USP34: variants seen among roughly 807,000 people sequenced by gnomAD.
The protein encoded by USP34 is ubiquitin carboxyl-terminal hydrolase 34.
USP34 carries 70 observed loss-of-function variants against 460.3 expected under a neutral mutation model. That is an observed-to-expected ratio of 0.15 (90% confidence interval 0.13 to 0.19). The LOEUF (loss-of-function observed/expected upper bound fraction) is 0.19, where lower values mean the gene tolerates loss of function less well. Among genes scored for constraint, USP34 ranks in the 10% least tolerant of loss-of-function variants. The probability of loss-of-function intolerance (pLI) is 1.00; values close to 1 mark genes in which losing one functional copy is unlikely to be tolerated. For missense variants in USP34, 3,985 were observed against 4,236.2 expected (o/e 0.94, Z 1.65); for synonymous variants, 1,647 against 1,405.3 (o/e 1.17, Z -3.85).
chr2:61,235,864 T>C lies in USP34; in HGVS notation c.7013A>G (p.Asn2338Ser), dbSNP rs758303208. 2 of 1,613,666 alleles carry C rather than the reference T, an allele frequency of 1.2e-6. No individual in the cohort carries two copies. The highest frequency in any genetic ancestry group is 4.5e-5 in the East Asian group (2 of 44,856). ...WIELLTKQFN[N>S]SQAACEWFLD... Reference sequence around the variant, plus strand: ...CCTTACCTCACAAGCTGCCTGACTATTATTAAACTGTTTCGTCAACAGTTC... The same window carrying C: ...CCTTACCTCACAAGCTGCCTGACTACTATTAAACTGTTTCGTCAACAGTTC... The change falls in exon 57 of 80, where the codon AAT (asparagine) becomes AGT (serine). Residue 2338 changes from asparagine (N) to serine (S), a missense_variant. Physicochemically the swap from Asn to Ser is conservative, Grantham distance 46 (BLOSUM62 1). This residue lies in a region of USP34 where 604 missense variants were observed against 684.8 expected (regional missense o/e 0.88). Transcript: ENST00000398571.
chr2:61,455,357 T>C (rs1194341876), intron 1 of USP34, among the ~76,000 whole-genome samples: 1 of 152,046 alleles, frequency 6.6e-6, no homozygotes, highest in Non-Finnish European at 1.5e-5. Context: ...TTTTGTATTA[T>C]AATAGAGACA....
chr2:61,368,750 T>C (rs1250533835), intron 10 of USP34, among the ~76,000 whole-genome samples: 1 of 151,996 alleles, frequency 6.6e-6, no homozygotes, highest in Non-Finnish European at 1.5e-5. Flanking sequence ...CAATAGAAAA[T>C]GTATAGGGAG....
rs1467322001 is a variant in USP34, at chr2:61,246,328, T to C, written c.6544A>G (p.Lys2182Glu). ...TTTGAAATATTTAAAACTCACCATT[T>C]ATTGTTTTTATAAGCATGGGGATTT... The part of the protein sequence containing the change: ...IVNPHAYKNN[K>E]WYLFNDAEVK... The change falls in exon 50 of 80, where the codon AAA (lysine) becomes GAA (glutamate). Residue 2182 changes from lysine to glutamate, a missense_variant. By Grantham distance (56) the Lys-to-Glu change is moderately conservative. Coordinates refer to ENST00000398571, the MANE Select transcript of USP34 (RefSeq NM_014709.4). The C allele has an allele frequency of 1.3e-6, 2 of 1,551,256 alleles. No homozygotes were observed. Among genetic ancestry groups the C allele is most frequent in the Non-Finnish European group, 1.7e-6 (2 of 1,149,146 alleles).
chr2:61,457,196 A>G (rs550056229), intron 1 of USP34, among the ~76,000 whole-genome samples: 2 of 152,298 alleles, frequency 1.3e-5, no homozygotes, highest in East Asian at 3.9e-4. Context: ...GGATCTCTTG[A>G]GCCTGGGAGG....
intron 41 of USP34, among the ~76,000 whole-genome samples, chr2:61,268,982 G>A (rs573011270): frequency 2.0e-5 from 3 of 149,098 alleles, no homozygotes; most frequent in African/African-American, 4.9e-5. Context: ...AGAAATTTAA[G>A]ACAATATCAT....
At chr2:61,322,468 C>T (rs973120683) in intron 21 of USP34, among the ~76,000 whole-genome samples, 4 of 152,000 alleles carry the variant, frequency 2.6e-5, no homozygotes, top group African/African-American at 4.8e-5. Context: ...ATCACAAGTA[C>T]GAGTATGAAA....
intron 16 of USP34, among the ~76,000 whole-genome samples, chr2:61,341,582 G>T (rs531165256): frequency 6.6e-6 from 1 of 151,436 alleles, no homozygotes; most frequent in African/African-American, 2.4e-5. Context: ...CCAACCCCCC[G>T]TTTCCACTTC....
intron 1 of USP34, among the ~76,000 whole-genome samples, chr2:61,422,086 G>A (rs1358283973): frequency 6.6e-6 from 1 of 152,222 alleles, no homozygotes; most frequent in Non-Finnish European, 1.5e-5. Flanking sequence ...GGCCCTGGAA[G>A]CCGAAGACAC....
chr2:61,470,423 G>A (rs994055787), intron 1 of USP34, among the ~76,000 whole-genome samples: 11 of 150,982 alleles, frequency 7.3e-5, no homozygotes, highest in African/African-American at 2.7e-4. Flanking sequence ...GCCAGGCCGA[G>A]CCGGAGCTCC....
intron 2 of USP34, among the ~76,000 whole-genome samples, chr2:61,413,543 C>T (rs1038256968): frequency 7.2e-6 from 1 of 139,370 alleles, no homozygotes; most frequent in Non-Finnish European, 1.5e-5. Flanking sequence ...CCCGTCTCTA[C>T]TAGATACTCA....
At chr2:61,308,918 T>A (rs929698553) in intron 27 of USP34, among the ~76,000 whole-genome samples, 1 of 152,178 alleles carries the variant, frequency 6.6e-6, no homozygotes, top group Non-Finnish European at 1.5e-5. Context: ...GGCACCCACC[T>A]GTAGCCCCAG....
chr2:61,292,190 T>C (rs762304653), intron 33 of USP34, among the ~76,000 whole-genome samples: 2 of 151,918 alleles, frequency 1.3e-5, no homozygotes, highest in South Asian at 4.1e-4. Flanking sequence ...GCATGTTAAC[T>C]ATATTTCAAA....
chr2:61,362,428 T>G (rs763684052), intron 10 of USP34, among the ~76,000 whole-genome samples: 1 of 152,156 alleles, frequency 6.6e-6, no homozygotes. Flanking sequence ...CACAGATGAA[T>G]AGACAAAATG....
Position 61,188,396 on chromosome 2 carries a change from T to A in USP34, c.10347A>T (p.Glu3449Asp). 1 of 1,614,210 alleles carries A rather than the reference T, an allele frequency of 6.2e-7. No homozygotes were observed. The highest frequency in any genetic ancestry group is 1.1e-5 in the South Asian group (1 of 91,082). The part of the protein sequence containing the change: ...SNNGRYDDCK[E>D]FKDLHCSKDS... ...CCTTGGAACAGTGGAGGTCTTTAAA[T>A]TCTTTACAATCGTCATATCTACCAT... Residue 3449 changes from glutamate (E) to aspartate (D), a missense_variant, in exon 80 of 80, where the codon GAA becomes GAT. By Grantham distance (45) the Glu-to-Asp change is conservative. Coordinates refer to ENST00000398571, the MANE Select transcript of USP34 (RefSeq NM_014709.4).
chr2:61,414,240 T>A (rs1366977985), intron 2 of USP34, among the ~76,000 whole-genome samples: 2 of 150,158 alleles, frequency 1.3e-5, no homozygotes, highest in Non-Finnish European at 3.0e-5. Context: ...AGAGGGAGAC[T>A]CCATCTCTAT....
chr2:61,228,968 T>G lies in USP34; in HGVS notation c.7227A>C (p.Glu2409Asp), dbSNP rs1164934247. ...TGACACATGAACGACCACCAATATC[T>G]TCTACTGAGGTATCCATATCATCTG... ...DGSDDMDTSVEDIGGRSCVTR... is the reference protein window; with the variant it reads ...DGSDDMDTSVDDIGGRSCVTR... Residue 2409 changes from glutamate to aspartate, a missense_variant, in exon 60 of 80, where the codon GAA becomes GAC. Physicochemically the swap from Glu to Asp is conservative, Grantham distance 45. Coordinates refer to ENST00000398571, the MANE Select transcript of USP34 (RefSeq NM_014709.4). 6.2e-7 allele frequency: 1 copy of G among 1,603,222 alleles called. No individual in the cohort carries two copies. Among genetic ancestry groups the G allele is most frequent in the East Asian group, 2.2e-5 (1 of 44,750 alleles).
At chr2:61,428,869 G>A (rs954020698) in intron 1 of USP34, among the ~76,000 whole-genome samples, 10 of 152,128 alleles carry the variant, frequency 6.6e-5, no homozygotes, top group Admixed American at 2.0e-4. Flanking sequence ...AACCAACAGA[G>A]ATATCAATGG....
At chr2:61,356,637 ACTTATATCAGAAACCTAGAC>A (rs1235393782) in intron 10 of USP34, among the ~76,000 whole-genome samples, 7 of 152,342 alleles carry the variant, frequency 4.6e-5, no homozygotes, top group African/African-American at 1.7e-4. Context: ...TAATGATTCC[ACTTATATCAGAAACCTAGAC>A]TACTCAAAAT....
At chr2:61,454,266 C>T (rs1321608768) in intron 1 of USP34, among the ~76,000 whole-genome samples, 2 of 151,800 alleles carry the variant, frequency 1.3e-5, no homozygotes, top group Non-Finnish European at 2.9e-5. Context: ...CTGGGGATTA[C>T]AGGCGTGTGC....
Sources: allele counts gnomAD v4.1 joint callset (sites outside exome capture counted in the v4.1 genomes callset), GRCh38; gene constraint gnomAD v4.1.1; regional missense constraint gnomAD v4.1.1; transcripts MANE v1.5; gene names NCBI Gene and HGNC (gene_info 2026-07-23, HGNC 2026-07-21).